The following IL1RAPL1 variants were observed in gnomAD, a reference collection of about 807,000 sequenced individuals.
IL1RAPL1 encodes the protein interleukin-1 receptor accessory protein-like 1.
Under a neutral mutation model 48.4 loss-of-function variants are expected in IL1RAPL1, and 3 were observed. That is an observed-to-expected ratio of 0.06 (90% CI 0.03 to 0.16). The LOEUF is 0.16. Ranked by LOEUF, IL1RAPL1 falls within the 10% of genes least tolerant of loss-of-function variation. IL1RAPL1 has a pLI of 1.00. For synonymous variants in IL1RAPL1, 185 were observed against 187.7 expected, an observed-to-expected ratio of 0.99 and a Z score of 0.12; for missense variants, 349 against 530.6, an observed-to-expected ratio of 0.66 and a Z score of 3.36.
At chrX:28,701,926 C>T (rs1202757351) in intron 1 of IL1RAPL1, among the ~76,000 whole-genome samples, 2 of 111,380 alleles carry the variant, frequency 1.8e-5, no homozygotes, top group African/African-American at 6.5e-5. Flanking sequence ...CATCAAATAC[C>T]TTTAGGTTAA....
At chrX:28,616,095 G>T (rs907273070) in intron 1 of IL1RAPL1, among the ~76,000 whole-genome samples, 8 of 112,466 alleles carry the variant, frequency 7.1e-5, no homozygotes, top group African/African-American at 2.6e-4. Flanking sequence ...CAGGGGATTT[G>T]ACAGATTCAC....
intron 6 of IL1RAPL1, among the ~76,000 whole-genome samples, chrX:29,824,120 G>A (rs1306040258): frequency 9.0e-6 from 1 of 111,237 alleles, no homozygotes; most frequent in African/African-American, 3.3e-5. Flanking sequence ...GATTCCATAG[G>A]CATGGGGAAG....
chrX:28,605,790 A>T (rs1220589898), intron 1 of IL1RAPL1, among the ~76,000 whole-genome samples: 1 of 111,229 alleles, frequency 9.0e-6, no homozygotes, highest in Admixed American at 9.6e-5. Context: ...TCTCTTTTCT[A>T]GCTCTCTCAT....
intron 5 of IL1RAPL1, among the ~76,000 whole-genome samples, chrX:29,488,556 T>C: frequency 8.9e-6 from 1 of 112,356 alleles, no homozygotes; most frequent in East Asian, 2.8e-4. Context: ...AAGACAGATC[T>C]TAAATGTTCT....
At chrX:28,734,093 G>A (rs1241166031) in intron 1 of IL1RAPL1, among the ~76,000 whole-genome samples, 1 of 111,174 alleles carries the variant, frequency 9.0e-6, no homozygotes, top group Non-Finnish European at 1.9e-5. Context: ...GATCCAGATG[G>A]TGACCATTTC....
intron 2 of IL1RAPL1, among the ~76,000 whole-genome samples, chrX:28,819,302 A>G (rs1396414320): frequency 9.0e-6 from 1 of 111,555 alleles, no homozygotes; most frequent in Non-Finnish European, 1.9e-5. Context: ...TTTGTTATAT[A>G]TGTGCATGTT....
At chrX:29,833,126 T>A (rs748408006) in intron 6 of IL1RAPL1, among the ~76,000 whole-genome samples, 115 of 111,961 alleles carry the variant, frequency 1.0e-3, no homozygotes, top group Admixed American at 2.8e-3. Context: ...ATAAGCATTA[T>A]GGTGGTGTTG....
chrX:28,745,779 G>T (rs929061529), intron 1 of IL1RAPL1, among the ~76,000 whole-genome samples: 1 of 111,578 alleles, frequency 9.0e-6, no homozygotes, highest in Non-Finnish European at 1.9e-5. Context: ...TATAGGAAGA[G>T]AATTCTTGAT....
intron 2 of IL1RAPL1, among the ~76,000 whole-genome samples, chrX:29,091,322 A>G (rs1334803454): frequency 9.0e-6 from 1 of 111,677 alleles, no homozygotes; most frequent in East Asian, 2.8e-4. Context: ...GTTGTCATAC[A>G]AGAGGATGTG....
chrX:29,227,554 G>A (rs2147554774), intron 2 of IL1RAPL1, among the ~76,000 whole-genome samples: 1 of 112,065 alleles, frequency 8.9e-6, no homozygotes, highest in South Asian at 3.6e-4. Context: ...AAATGGATGA[G>A]TTCCAATAAA....
intron 5 of IL1RAPL1, among the ~76,000 whole-genome samples, chrX:29,399,630 C>T (rs891522616): frequency 4.5e-5 from 5 of 110,602 alleles, no homozygotes; most frequent in East Asian, 2.8e-4. Flanking sequence ...ACCAGCCTGG[C>T]CAACATGGTG....
rs150813178 is a variant in IL1RAPL1 at position 29,674,890 on chromosome X, G to T, written c.778+6386G>T. 7.5e-3 allele frequency among the ~76,000 whole-genome samples: 846 copies of T among 112,061 alleles called. 9 individuals carry two copies. The highest frequency in any genetic ancestry group is 0.026 in the African/African-American group (811 of 30,814). On this transcript the variant is annotated intron_variant, in intron 6 of 10. Transcript: ENST00000378993. Reference sequence around the variant, plus strand: ...CAGCTCCATCCATGTTCCTGCAAAGGACATGATCTCATTCTTTTTATGGCC... The same window carrying T: ...CAGCTCCATCCATGTTCCTGCAAAGTACATGATCTCATTCTTTTTATGGCC...
At chrX:28,747,092 G>A (rs752299360) in intron 1 of IL1RAPL1, among the ~76,000 whole-genome samples, 4 of 110,502 alleles carry the variant, frequency 3.6e-5, no homozygotes, top group South Asian at 3.9e-4. Flanking sequence ...TCTAAACATC[G>A]CAAGAGCAGT....
intron 2 of IL1RAPL1, among the ~76,000 whole-genome samples, chrX:29,046,315 C>T (rs748110186): frequency 1.4e-4 from 16 of 111,235 alleles, no homozygotes; most frequent in South Asian, 3.8e-4. Context: ...GCATTGGCCT[C>T]CCAAAGCCCT....
At chrX:29,242,007 G>C (rs922632266) in intron 2 of IL1RAPL1, among the ~76,000 whole-genome samples, 2 of 111,690 alleles carry the variant, frequency 1.8e-5, no homozygotes, top group East Asian at 5.6e-4. Context: ...CCTGCAAACA[G>C]AGAGTCTTCA....
intron 5 of IL1RAPL1, among the ~76,000 whole-genome samples, chrX:29,631,709 C>T (rs183478778): frequency 0.01 from 1,155 of 111,338 alleles, 13 homozygotes; most frequent in African/African-American, 0.035. Context: ...GCAGGAGAAT[C>T]GCCTGAACCC....
intron 2 of IL1RAPL1, among the ~76,000 whole-genome samples, chrX:28,969,837 G>A (rs1925011959): frequency 1.6e-5 from 1 of 63,359 alleles, no homozygotes. Flanking sequence ...ACATATATAT[G>A]TTTCTAAACA....
intron 6 of IL1RAPL1, among the ~76,000 whole-genome samples, chrX:29,777,766 A>G (rs1335737448): frequency 9.0e-6 from 1 of 110,895 alleles, no homozygotes; most frequent in Admixed American, 9.6e-5. Context: ...TTTTTGCTAA[A>G]AAGTGTTTTT....
At chrX:29,190,076 C>T in intron 2 of IL1RAPL1, among the ~76,000 whole-genome samples, 1 of 111,797 alleles carries the variant, frequency 8.9e-6, no homozygotes, top group Non-Finnish European at 1.9e-5. Context: ...TTCCTCATCT[C>T]TAAGATGTGA....
Sources: gnomAD v4.1 joint callset for allele counts (sites outside exome capture counted in the v4.1 genomes callset) on GRCh38, gnomAD v4.1.1 for gene constraint, MANE v1.5 for transcripts, NCBI Gene and HGNC (gene_info 2026-07-23, HGNC 2026-07-21) for gene names.